The following FAM185A variants were observed in gnomAD, a reference collection of about 807,000 sequenced individuals.
FAM185A encodes the protein protein FAM185A.
In FAM185A, 21 loss-of-function variants were observed where a neutral mutation model predicts 45.7. That is an observed-to-expected ratio of 0.46 (90% CI 0.33 to 0.66). FAM185A has a LOEUF of 0.66. Ranked by LOEUF, FAM185A falls within the 30% of genes least tolerant of loss-of-function variation. The pLI is 0.03. For missense variants in FAM185A, 305 were observed against 485.4 expected (o/e 0.63, Z 3.49); for synonymous variants, 117 against 194.0 (o/e 0.60, Z 3.30).
chr7:102,771,040 G>T (rs939664169), intron 4 of FAM185A, among the ~76,000 whole-genome samples: 16 of 152,150 alleles, frequency 1.1e-4, no homozygotes, highest in African/African-American at 3.9e-4. Context: ...AAAGAAGAAT[G>T]AAATTATATC....
At chr7:102,762,830 T>C (rs2539313) in intron 4 of FAM185A, among the ~76,000 whole-genome samples, 92,640 of 138,264 alleles carry the variant, frequency 0.67, 32,580 homozygotes, top group Middle Eastern at 0.83. Flanking sequence ...GCAAATGGTT[T>C]TGTTACTTAT....
the FAM185A span, chr7:102,822,247 C>T: frequency 8.2e-6 from 13 of 1,590,850 alleles, no homozygotes; most frequent in Non-Finnish European, 1.1e-5. Context: ...CAAACACTAT[C>T]TCAGGGAAGA....
At chr7:102,830,119 A>G in the FAM185A span, among the ~76,000 whole-genome samples, 1 of 152,142 alleles carries the variant, frequency 6.6e-6, no homozygotes, top group Admixed American at 6.5e-5. Context: ...TTTGTTTAAC[A>G]TCCCCCTTAG....
chr7:102,755,772 A>C (rs1793682084), intron 2 of FAM185A: 2 of 622,954 alleles, frequency 3.2e-6, no homozygotes, highest in Non-Finnish European at 6.0e-6. Context: ...CTCAGAAGAC[A>C]AAGGAGCTTT....
At chr7:102,799,276 A>G in intron 7 of FAM185A, among the ~76,000 whole-genome samples, 1 of 152,104 alleles carries the variant, frequency 6.6e-6, no homozygotes, top group Non-Finnish European at 1.5e-5. Flanking sequence ...TGGGGTTGTG[A>G]TATTGAAAAT....
At chr7:102,813,596 T>C (rs1391807341), downstream of FAM185A, 10 of 1,533,218 alleles carry the variant, frequency 6.5e-6, no homozygotes, top group Non-Finnish European at 8.0e-6. Context: ...ATTTTCAAAC[T>C]CAACCAAATT....
At chr7:102,779,089 T>G (rs1211049765) in intron 6 of FAM185A, among the ~76,000 whole-genome samples, 1 of 152,192 alleles carries the variant, frequency 6.6e-6, no homozygotes, top group Non-Finnish European at 1.5e-5. Flanking sequence ...ACTTAACATT[T>G]TGTCCTTGGG....
At chr7:102,786,525 G>A (rs202071610) in intron 6 of FAM185A, among the ~76,000 whole-genome samples, 971 of 134,124 alleles carry the variant, frequency 7.2e-3, no homozygotes, top group Middle Eastern at 0.011. Flanking sequence ...CATGTCCTTC[G>A]TAGGGACATG....
downstream of FAM185A, among the ~76,000 whole-genome samples, chr7:102,809,892 C>T (rs563039145): frequency 6.6e-6 from 1 of 152,202 alleles, no homozygotes; most frequent in African/African-American, 2.4e-5. Flanking sequence ...GTTACCACCA[C>T]CTTCTTGGTT....
the FAM185A span, among the ~76,000 whole-genome samples, chr7:102,831,394 G>GACACACACACAC: frequency 2.0e-4 from 28 of 141,654 alleles, no homozygotes; most frequent in African/African-American, 5.9e-4. Context: ...CAGTGCCCGG[G>GACACACACACAC]ACACACACAC....
At chr7:102,762,920 T>C (rs1164542836) in intron 4 of FAM185A, among the ~76,000 whole-genome samples, 1 of 141,176 alleles carries the variant, frequency 7.1e-6, no homozygotes, top group African/African-American at 2.7e-5. Context: ...AAGTGACTTT[T>C]ATATAAGCAT....
chr7:102,759,836 C>T lies in FAM185A; in HGVS notation c.655-1437C>T, dbSNP rs564520260. ...ATAGCTAAGTCTAATGTAATGCTTACCACGATGATGATGATAAAGGTAAAG... is the reference window on the plus strand; with the variant it reads ...ATAGCTAAGTCTAATGTAATGCTTATCACGATGATGATGATAAAGGTAAAG... On this transcript the variant is annotated intron_variant, in intron 3 of 7. Coordinates refer to ENST00000413034, the MANE Select transcript of FAM185A (RefSeq NM_001145268.2). Among the ~76,000 whole-genome samples, 84 of 152,052 alleles carry T rather than the reference C, an allele frequency of 5.5e-4. 2 individuals are homozygous for T. The South Asian group carries it at 0.016, about 30-fold the overall frequency.
the FAM185A span, among the ~76,000 whole-genome samples, chr7:102,831,431 A>ACACACACCCCC: frequency 3.7e-4 from 55 of 147,228 alleles, no homozygotes; most frequent in African/African-American, 1.3e-3. Context: ...ACACACACAC[A>ACACACACCCCC]CCCCACTACA....
chr7:102,767,416 A>G (rs1257545457), intron 4 of FAM185A, among the ~76,000 whole-genome samples: 1 of 152,054 alleles, frequency 6.6e-6, no homozygotes, highest in Non-Finnish European at 1.5e-5. Flanking sequence ...CTAACTGCAA[A>G]GGCTGAGATA....
intron 5 of FAM185A, among the ~76,000 whole-genome samples, chr7:102,773,507 G>T (rs1186954498): frequency 6.6e-6 from 1 of 152,076 alleles, no homozygotes; most frequent in Non-Finnish European, 1.5e-5. Flanking sequence ...AAATAAAGCT[G>T]CTATGAATAT....
At position 102,749,443 on chromosome 7, in the gene FAM185A, C is replaced by A; in HGVS notation, c.236C>A (p.Ala79Glu). The stretch of plus-strand genomic sequence containing the variant: ...GTGAGCCCGTTTGGTCGGCTGCGGG[C>A]GCGGCTCCCGTGCCACCTGGCCGTG... ...LQVSPFGRLR[A>E]RLPCHLAVRP... Residue 79 changes from alanine (A) to glutamate (E), a missense_variant, in exon 1 of 8, where the codon GCG becomes GAG. Ala to Glu is a moderately radical substitution (Grantham distance 107). This residue lies in a region of FAM185A where 174 missense variants were observed against 247.1 expected (regional missense o/e 0.70). Coordinates refer to ENST00000413034, the MANE Select transcript of FAM185A (RefSeq NM_001145268.2). 1.9e-6 allele frequency: 3 copies of A among 1,547,782 alleles called. No individual in the cohort carries two copies. The Admixed American group carries it at 5.9e-5, about 30-fold the overall frequency.
the FAM185A span, among the ~76,000 whole-genome samples, chr7:102,848,155 G>C: frequency 6.6e-6 from 1 of 152,048 alleles, no homozygotes; most frequent in African/African-American, 2.4e-5. Context: ...TTAGCACCTG[G>C]CTGCTAATGA....
chr7:102,823,374 G>A, the FAM185A span, among the ~76,000 whole-genome samples: 1 of 152,112 alleles, frequency 6.6e-6, no homozygotes, highest in Non-Finnish European at 1.5e-5. Context: ...CATCACTGAT[G>A]GTTTAGATGT....
At chr7:102,837,628 T>C in the FAM185A span, among the ~76,000 whole-genome samples, 1 of 152,266 alleles carries the variant, frequency 6.6e-6, no homozygotes, top group South Asian at 2.1e-4. Flanking sequence ...TGATCATAGC[T>C]CACTGTAGCC....
Sources: allele counts gnomAD v4.1 joint callset (sites outside exome capture counted in the v4.1 genomes callset), GRCh38; gene constraint gnomAD v4.1.1; regional missense constraint gnomAD v4.1.1; transcripts MANE v1.5; gene names NCBI Gene and HGNC (gene_info 2026-07-23, HGNC 2026-07-21).